HDAC9: variants seen among roughly 807,000 people sequenced by gnomAD.
HDAC9 encodes the protein histone deacetylase 9.
In HDAC9, 41 loss-of-function variants were observed where a neutral mutation model predicts 139.4. The observed-to-expected ratio is 0.29, with a 90% CI of 0.23 to 0.38. HDAC9 has a LOEUF of 0.38. HDAC9 is among the 10% of genes least tolerant of loss of function. The pLI, the probability that HDAC9 is intolerant of heterozygous loss-of-function variation, is 1.00. For synonymous variants in HDAC9, 517 were observed against 476.2 expected, an observed-to-expected ratio of 1.09 and a Z score of -1.12; for missense variants, 1,147 against 1,297.0, an observed-to-expected ratio of 0.88 and a Z score of 1.78.
intron 2 of HDAC9, among the ~76,000 whole-genome samples, chr7:18,507,604 G>C (rs994871365): frequency 2.6e-5 from 4 of 151,924 alleles, no homozygotes; most frequent in Non-Finnish European, 5.9e-5. Flanking sequence ...AAGCTATTCT[G>C]CCTCAGCCTC....
intron 6 of HDAC9, among the ~76,000 whole-genome samples, chr7:18,627,214 G>C (rs1841952541): frequency 1.3e-5 from 2 of 152,246 alleles, no homozygotes; most frequent in South Asian, 4.2e-4. Context: ...GAAAATGCAT[G>C]GTCTTTTCTA....
intron 2 of HDAC9, among the ~76,000 whole-genome samples, chr7:18,576,288 G>A (rs1446129707): frequency 2.0e-5 from 3 of 152,160 alleles, no homozygotes; most frequent in Admixed American, 1.3e-4. Context: ...CCACTGATGA[G>A]TGTTAGCCAG....
chr7:18,980,750 TTCTTCTTCCTTCTTCTTCTTCTTCTTCC>T, intron 25 of HDAC9, among the ~76,000 whole-genome samples: 1 of 136,568 alleles, frequency 7.3e-6, no homozygotes, highest in Non-Finnish European at 1.5e-5. Flanking sequence ...TTCTTCCTTC[TTCTTCTTCCTTCTTCTTCTTCTTCTTCC>T]TCTTCTTCTT....
chr7:18,705,548 GAATTA>G lies in HDAC9; in HGVS notation c.1732-22030_1732-22026del, dbSNP rs142116777. ...TGTACCTATGCTTAGTAACTGAATT[GAATTA>G]ATTTGAAATGTTTTAGGCTGGGCAC... On this transcript the variant is annotated intron_variant, in intron 12 of 25. Transcript: ENST00000686413. 2.9e-3 allele frequency among the ~76,000 whole-genome samples: 446 copies of G among 152,056 alleles called. 3 individuals carry two copies. The highest frequency in any genetic ancestry group is 0.01 in the African/African-American group (423 of 41,476).
intron 25 of HDAC9, among the ~76,000 whole-genome samples, chr7:18,981,182 G>C (rs1784926835): frequency 6.6e-6 from 1 of 152,066 alleles, no homozygotes; most frequent in Admixed American, 6.6e-5. Context: ...AGAATATAGA[G>C]CCTATACTTG....
At chr7:18,654,832 A>G (rs144163735) in intron 11 of HDAC9, among the ~76,000 whole-genome samples, 33 of 152,248 alleles carry the variant, frequency 2.2e-4, no homozygotes, top group African/African-American at 7.0e-4. Context: ...ACCTCCTTCA[A>G]GTTACTCACT....
At chr7:18,943,268 T>G (rs1227853941) in intron 23 of HDAC9, among the ~76,000 whole-genome samples, 1 of 152,104 alleles carries the variant, frequency 6.6e-6, no homozygotes, top group East Asian at 1.9e-4. Flanking sequence ...ATATGTAGTA[T>G]TTTCCTAACT....
intron 24 of HDAC9, among the ~76,000 whole-genome samples, chr7:18,970,912 G>GT (rs1437689335): frequency 2.6e-5 from 4 of 152,174 alleles, no homozygotes; most frequent in Non-Finnish European, 5.9e-5. Context: ...TAGCAAAGGG[G>GT]TTTGAATTGA....
At chr7:18,635,353 T>G (rs1299139241) in intron 8 of HDAC9, among the ~76,000 whole-genome samples, 1 of 152,030 alleles carries the variant, frequency 6.6e-6, no homozygotes. Context: ...ACCTGCTATA[T>G]TCAAGTCATT....
At chr7:18,209,479 G>T (rs1361219602) in intron 2 of HDAC9, among the ~76,000 whole-genome samples, 1 of 152,050 alleles carries the variant, frequency 6.6e-6, no homozygotes, top group African/African-American at 2.4e-5. Flanking sequence ...TCTTCTCTTT[G>T]ATTATTAATT....
chr7:18,399,778 T>C (rs1205000378), intron 1 of HDAC9, among the ~76,000 whole-genome samples: 1 of 152,182 alleles, frequency 6.6e-6, no homozygotes, highest in African/African-American at 2.4e-5. Flanking sequence ...CTCTCCAAGA[T>C]ATTCACAGGC....
At chr7:18,362,660 G>T (rs576858276) in intron 1 of HDAC9, among the ~76,000 whole-genome samples, 177 of 152,214 alleles carry the variant, frequency 1.2e-3, no homozygotes, top group African/African-American at 4.1e-3. Context: ...AAATTTTATA[G>T]ACAGACATTG....
intron 2 of HDAC9, among the ~76,000 whole-genome samples, chr7:18,558,312 T>C (rs1819514204): frequency 6.6e-6 from 1 of 152,174 alleles, no homozygotes; most frequent in African/African-American, 2.4e-5. Flanking sequence ...GGTGTTTCTT[T>C]CATAGGCCAT....
intron 2 of HDAC9, among the ~76,000 whole-genome samples, chr7:18,526,294 C>T (rs1806892758): frequency 6.6e-6 from 1 of 152,074 alleles, no homozygotes; most frequent in Non-Finnish European, 1.5e-5. Flanking sequence ...ATTGACCACC[C>T]CCAATGCCAA....
chr7:18,996,174 A>AACAT lies in HDAC9; in HGVS notation c.*114_*117dup. 1 of 725,472 alleles carries AACAT rather than the reference A, an allele frequency of 1.4e-6. No individual in the cohort carries two copies. The highest frequency in any genetic ancestry group is 2.3e-6 in the Non-Finnish European group (1 of 433,010). The allele number at this position is 725,472 out of a possible 1,614,324, so 44.9% of individuals were successfully genotyped here. ...TGCCTGGGTGGCACAGATTCAATGG[A>AACAT]ACATAAACACTGGGCACAAAATTCT... On this transcript the variant is annotated 3_prime_UTR_variant, in exon 26 of 26. Coordinates refer to ENST00000686413, the MANE Select transcript of HDAC9 (RefSeq NM_178425.4).
intron 12 of HDAC9, among the ~76,000 whole-genome samples, chr7:18,686,441 C>A (rs1424718348): frequency 1.3e-5 from 2 of 151,834 alleles, no homozygotes; most frequent in Non-Finnish European, 2.9e-5. Flanking sequence ...ATTTTTAATT[C>A]TTCTATTCAT....
chr7:18,414,605 A>T (rs1050008135), intron 1 of HDAC9, among the ~76,000 whole-genome samples: 3 of 152,178 alleles, frequency 2.0e-5, no homozygotes, highest in Non-Finnish European at 2.9e-5. Context: ...GACCTCTGAG[A>T]TATAAATTTT....
chr7:18,625,589 T>A lies in HDAC9; in HGVS notation c.665-3761T>A, dbSNP rs532196633. Among the ~76,000 whole-genome samples, 3 of 152,280 alleles carry A rather than the reference T, an allele frequency of 2.0e-5. No individual in the cohort carries two copies. The South Asian group carries it at 6.2e-4, about 32-fold the overall frequency. On this transcript the variant is annotated intron_variant, in intron 6 of 25. Transcript: ENST00000686413. ...CCCTGGAAGAGAAATCTTCCCTGGT[T>A]GTGAACCACTGGCCTATTCTCTACT... is the stretch of plus-strand genomic sequence containing the variant.
intron 24 of HDAC9, among the ~76,000 whole-genome samples, chr7:18,972,369 CTTTTTTTTTTT>C (rs199909134): frequency 0.026 from 2,508 of 94,942 alleles, 71 homozygotes; most frequent in African/African-American, 0.089. Context: ...ATGAACTTCT[CTTTTTTTTTTT>C]TTTTTTTTTT....
Sources: allele counts gnomAD v4.1 joint callset (sites outside exome capture counted in the v4.1 genomes callset), GRCh38; gene constraint gnomAD v4.1.1; transcripts MANE v1.5; gene names NCBI Gene and HGNC (gene_info 2026-07-23, HGNC 2026-07-21).